Variants in MACO1 observed in about 807,000 individuals in gnomAD.
MACO1 encodes the protein macoilin 1.
MACO1 carries 14 observed loss-of-function variants against 78.7 expected under a neutral mutation model. The ratio of observed to expected loss-of-function variants is 0.18; its 90% CI spans 0.12 to 0.28. MACO1 has a LOEUF of 0.28. Among genes scored for constraint, MACO1 ranks in the 10% least tolerant of loss-of-function variants. MACO1 has a pLI of 1.00. For missense variants in MACO1, 501 were observed against 799.0 expected (o/e 0.63, Z 4.50); for synonymous variants, 288 against 291.6 (o/e 0.99, Z 0.12).
intron 1 of MACO1, among the ~76,000 whole-genome samples, chr1:25,441,025 A>C (rs1168345286): frequency 6.6e-6 from 1 of 152,198 alleles, no homozygotes. Flanking sequence ...GTAATCGTTC[A>C]GGCAGAAGCT....
chr1:25,477,863 T>A (rs2043336313), intron 6 of MACO1, among the ~76,000 whole-genome samples: 1 of 152,198 alleles, frequency 6.6e-6, no homozygotes, highest in Non-Finnish European at 1.5e-5. Context: ...TCACAAGAGA[T>A]AAGAATTACA....
chr1:25,490,159 G>A (rs1260654990), intron 9 of MACO1, among the ~76,000 whole-genome samples: 2 of 134,948 alleles, frequency 1.5e-5, no homozygotes, highest in Non-Finnish European at 3.6e-5. Flanking sequence ...AAATCACAAA[G>A]CAAAAATCAT....
rs1381498064 is a variant in MACO1, at chr1:25,493,422, G to GT, written c.1792+1846dup. On this transcript the variant is annotated intron_variant, in intron 10 of 10. Transcript: ENST00000374343. ...TGCCCAGCTAATTTTTTTTTTTTCT[G>GT]TTTTTTTTCTAGAGACGAGGTCTCA... is the stretch of plus-strand genomic sequence containing the variant. Among the ~76,000 whole-genome samples, 722 of 146,344 alleles carry GT rather than the reference G, an allele frequency of 4.9e-3. 1 individual carries two copies. The highest frequency in any genetic ancestry group is 9.6e-3 in the South Asian group (44 of 4,574).
intron 6 of MACO1, among the ~76,000 whole-genome samples, chr1:25,470,575 G>C (rs1043361789): frequency 3.3e-5 from 5 of 152,198 alleles, no homozygotes; most frequent in African/African-American, 1.2e-4. Context: ...TGAGTCCTTA[G>C]TGGGGAACCA....
intron 1 of MACO1, among the ~76,000 whole-genome samples, chr1:25,431,756 G>A (rs749833721): frequency 7.2e-5 from 11 of 152,184 alleles, no homozygotes; most frequent in Admixed American, 5.9e-4. Flanking sequence ...TCTCAAACTT[G>A]GCACCCAGGG....
chr1:25,498,092 G>A (rs900662295), intron 10 of MACO1, among the ~76,000 whole-genome samples, 172 bp from the exon 11 acceptor site: 1 of 152,122 alleles, frequency 6.6e-6, no homozygotes, highest in Admixed American at 6.5e-5. Context: ...TATGGCCCAC[G>A]ACACCTAAAA....
At position 25,454,436 on chromosome 1, in the gene MACO1, ATATGTGTGTG is replaced by A. The variant is rs1290255547; in HGVS notation, c.473+56_473+65del. 0.012 allele frequency: 8,467 copies of A among 734,738 alleles called. 712 individuals are homozygous for A. In the African/African-American group the frequency reaches 0.16, roughly 14 times the overall value. 45.5% of individuals were successfully genotyped at this position (734,738 alleles called of 1,614,324 possible). ...TGTGTGTATATGTGTGTATGTATAT[ATATGTGTGTG>A]TGTGTGTGTGTGTGTGTGTGTGTGT... On this transcript the variant is annotated intron_variant, in intron 4 of 10. Transcript: ENST00000374343.
At chr1:25,480,929 A>AATATATATATATATATAT (rs202050214) in intron 6 of MACO1, among the ~76,000 whole-genome samples, 2 of 47,936 alleles carry the variant, frequency 4.2e-5, no homozygotes, top group Non-Finnish European at 6.9e-5. Context: ...AAAAAAAAAA[A>AATATATATATATATATAT]ATATATATAT....
intron 1 of MACO1, among the ~76,000 whole-genome samples, chr1:25,441,755 G>A (rs2042974929): frequency 2.0e-5 from 3 of 152,192 alleles, no homozygotes; most frequent in Admixed American, 2.0e-4. Flanking sequence ...TATTTGTGCT[G>A]TGTGCCGAAG....
At position 25,458,258 on chromosome 1, in the gene MACO1, C is replaced by T. The variant is rs1040140491; in HGVS notation, c.653-133C>T. ...CTATGAGGATTTGCTTCTTGATTAG[C>T]GTATAATGAGTGTGCAAACTAATGT... On this transcript the variant is annotated intron_variant, in intron 5 of 10. Coordinates refer to ENST00000374343, the MANE Select transcript of MACO1 (RefSeq NM_018202.6). 53 of 1,230,674 alleles carry T rather than the reference C, an allele frequency of 4.3e-5. No homozygotes were observed. The African/African-American group carries it at 5.8e-4, about 13-fold the overall frequency. The allele number at this position is 1,230,674 out of a possible 1,614,324, so 76.2% of individuals were successfully genotyped here. A position where few individuals can be genotyped will look rare whatever the true frequency, so the allele number is the denominator to read the frequency against.
intron 10 of MACO1, among the ~76,000 whole-genome samples, chr1:25,496,400 G>A (rs550744131): frequency 1.2e-4 from 18 of 152,098 alleles, no homozygotes; most frequent in Non-Finnish European, 1.6e-4. Context: ...CACCCACCGC[G>A]GTCTCCCAAA....
intron 6 of MACO1, among the ~76,000 whole-genome samples, chr1:25,483,294 G>A (rs1463077101): frequency 6.6e-6 from 1 of 152,100 alleles, no homozygotes; most frequent in Non-Finnish European, 1.5e-5. Flanking sequence ...CAGGTGATCC[G>A]CCTGCCTCGG....
Position 25,485,887 on chromosome 1 carries a change from G to A in MACO1, c.1496+92G>A, listed in dbSNP as rs903748886. ...TTTGGTGCCTTGGGCAGGATTGGACGTACAGCAATCATGCACGGATGGATT... is the reference window on the plus strand; with the variant it reads ...TTTGGTGCCTTGGGCAGGATTGGACATACAGCAATCATGCACGGATGGATT... On this transcript the variant is annotated intron_variant, in intron 8 of 10. Transcript: ENST00000374343. This position sits in a 1 kb window ranked among gnomAD's most constrained non-coding sequence, Gnocchi z 4.3. 48 of 1,371,288 alleles carry A rather than the reference G, an allele frequency of 3.5e-5. No homozygotes were observed. The South Asian group carries it at 4.0e-4, about 11-fold the overall frequency. 84.9% of individuals were successfully genotyped at this position (1,371,288 alleles called of 1,614,324 possible). A position where few individuals can be genotyped will look rare whatever the true frequency, so the allele number is the denominator to read the frequency against.
intron 10 of MACO1, 113 bp downstream of exon 10, chr1:25,491,697 A>G (rs1038269902): frequency 4.8e-6 from 4 of 829,118 alleles, no homozygotes; most frequent in Admixed American, 5.4e-5. Flanking sequence ...TTTCTCTTCA[A>G]GAGTCTTGGT....
chr1:25,471,545 G>A (rs1257589600), intron 6 of MACO1, among the ~76,000 whole-genome samples: 1 of 152,164 alleles, frequency 6.6e-6, no homozygotes, highest in African/African-American at 2.4e-5. Context: ...TAAGGACAGG[G>A]AACTTATTTT....
rs373973598 is a variant in MACO1 at position 25,456,419 on chromosome 1, G to A, written c.474-234G>A. Among the ~76,000 whole-genome samples, 6 of 152,296 alleles carry A rather than the reference G, an allele frequency of 3.9e-5. No individual in the cohort carries two copies. The South Asian group carries it at 8.3e-4, about 21-fold the overall frequency. ...ATGCCAACGTCTAATGGGAAGTGTCGTCTTACGGTCTAGCAGTCCTGTTGT... is the reference window on the plus strand; with the variant it reads ...ATGCCAACGTCTAATGGGAAGTGTCATCTTACGGTCTAGCAGTCCTGTTGT... On this transcript the variant is annotated intron_variant, in intron 4 of 10. Transcript: ENST00000374343.
chr1:25,491,347 C>G, intron 9 of MACO1, 63 bp from the exon 10 acceptor site: 1 of 1,593,750 alleles, frequency 6.3e-7, no homozygotes, highest in Non-Finnish European at 8.6e-7. Context: ...TGATTTCAGG[C>G]TAATTTATAG....
intron 6 of MACO1, among the ~76,000 whole-genome samples, chr1:25,463,233 A>G (rs1049034102): frequency 6.6e-6 from 1 of 152,216 alleles, no homozygotes; most frequent in Admixed American, 6.5e-5. Flanking sequence ...TATGGTGACA[A>G]GGAACTGGGT....
Position 25,481,970 on chromosome 1 carries a change from A to G in MACO1, c.1155-2146A>G, listed in dbSNP as rs142672837. 3.1e-3 allele frequency among the ~76,000 whole-genome samples: 471 copies of G among 152,290 alleles called. 2 individuals carry two copies. The highest frequency in any genetic ancestry group is 0.01 in the African/African-American group (429 of 41,546). On this transcript the variant is annotated intron_variant, in intron 6 of 10. Transcript: ENST00000374343. Reference sequence around the variant, plus strand: ...GTTTTTTAAAGTTGCCTAAAGGTAGATATGTAAATAAAGCTGCCCTATGTC... The same window carrying G: ...GTTTTTTAAAGTTGCCTAAAGGTAGGTATGTAAATAAAGCTGCCCTATGTC...
Sources: allele counts gnomAD v4.1 joint callset (sites outside exome capture counted in the v4.1 genomes callset), GRCh38; gene constraint gnomAD v4.1.1; non-coding constraint Gnocchi (gnomAD v3.1); transcripts MANE v1.5; gene names NCBI Gene and HGNC (gene_info 2026-07-23, HGNC 2026-07-21).